Variants in TMEM132B observed in about 807,000 individuals in gnomAD.
The protein encoded by TMEM132B is transmembrane protein 132B.
TMEM132B carries 18 observed loss-of-function variants against 90.8 expected under a neutral mutation model. That is an observed-to-expected ratio of 0.20 (90% confidence interval 0.14 to 0.29). TMEM132B has a LOEUF of 0.29. Among genes scored for constraint, TMEM132B ranks in the 10% least tolerant of loss-of-function variants. The pLI, the probability that TMEM132B is intolerant of heterozygous loss-of-function variation, is 1.00. For missense variants in TMEM132B, 1,096 were observed against 1,326.8 expected (o/e 0.83, Z 2.70); for synonymous variants, 504 against 523.3 (o/e 0.96, Z 0.50).
At chr12:125,367,375 A>T (rs1226693219) in intron 2 of TMEM132B, among the ~76,000 whole-genome samples, 1 of 152,184 alleles carries the variant, frequency 6.6e-6, no homozygotes, top group Non-Finnish European at 1.5e-5. Flanking sequence ...TCTTTCTTGG[A>T]TCATAAGTAC....
chr12:125,370,961 G>C (rs144838350), intron 2 of TMEM132B, among the ~76,000 whole-genome samples: 1,713 of 152,316 alleles, frequency 0.011, 19 homozygotes, highest in Non-Finnish European at 0.014. Flanking sequence ...AAGGAAGCCA[G>C]TAGTGGCTTA....
At chr12:125,483,158 T>C (rs1483104313) in intron 3 of TMEM132B, among the ~76,000 whole-genome samples, 1 of 151,976 alleles carries the variant, frequency 6.6e-6, no homozygotes, top group Non-Finnish European at 1.5e-5. Flanking sequence ...GACGAGTTAA[T>C]GGGTGCAGCA....
chr12:125,259,421 A>G (rs988472789), intron 1 of TMEM132B, among the ~76,000 whole-genome samples: 1 of 152,220 alleles, frequency 6.6e-6, no homozygotes, highest in African/African-American at 2.4e-5. Context: ...CTGTCACTTC[A>G]GTAATTGTCA....
intron 1 of TMEM132B, among the ~76,000 whole-genome samples, chr12:125,313,516 T>G (rs1876170016): frequency 7.4e-6 from 1 of 134,984 alleles, no homozygotes; most frequent in South Asian, 2.9e-4. Flanking sequence ...TCTCCCTTCC[T>G]TCATTTCCCA....
chr12:125,548,134 T>A (rs1189289261), intron 4 of TMEM132B, among the ~76,000 whole-genome samples: 1 of 152,110 alleles, frequency 6.6e-6, no homozygotes, highest in Non-Finnish European at 1.5e-5. Flanking sequence ...CAATCCCAAC[T>A]GTCTATGTGG....
chr12:125,436,411 C>T (rs1254347109), intron 3 of TMEM132B, among the ~76,000 whole-genome samples: 1 of 152,138 alleles, frequency 6.6e-6, no homozygotes, highest in Non-Finnish European at 1.5e-5. Context: ...GAAACAGGCT[C>T]ATGGGAGTTG....
At chr12:125,527,044 A>G (rs1260398343) in intron 4 of TMEM132B, among the ~76,000 whole-genome samples, 2 of 138,616 alleles carry the variant, frequency 1.4e-5, no homozygotes, top group Non-Finnish European at 3.1e-5. Context: ...CCATCCACCC[A>G]TCCACCCTTC....
At chr12:125,312,523 C>G (rs73233365) in intron 1 of TMEM132B, among the ~76,000 whole-genome samples, 13,964 of 152,240 alleles carry the variant, frequency 0.092, 716 homozygotes, top group Non-Finnish European at 0.12. Context: ...CCTCTGAGGA[C>G]CCTTGGGTAG....
chr12:125,365,279 G>C (rs1444568959), intron 2 of TMEM132B, among the ~76,000 whole-genome samples: 1 of 151,860 alleles, frequency 6.6e-6, no homozygotes, highest in African/African-American at 2.4e-5. Flanking sequence ...AGTCTATTTT[G>C]AGATAGACTT....
chr12:125,236,620 G>T (rs560269315), intron 1 of TMEM132B, among the ~76,000 whole-genome samples: 2 of 152,166 alleles, frequency 1.3e-5, no homozygotes, highest in South Asian at 4.1e-4. Flanking sequence ...TGCTACCTTA[G>T]AGCCTCCCCA....
At chr12:125,281,711 A>G (rs4765239) in intron 1 of TMEM132B, among the ~76,000 whole-genome samples, 19,326 of 152,070 alleles carry the variant, frequency 0.13, 1,345 homozygotes, top group African/African-American at 0.17. Flanking sequence ...AGCTTCAGCA[A>G]TGGCTCCCTG....
In TMEM132B at chr12:125,473,223, C is replaced by T. The variant is rs1881768549; in HGVS notation, c.1107-46216C>T. Among the ~76,000 whole-genome samples the T allele has an allele frequency of 2.0e-5, 3 of 152,292 alleles. No homozygotes were observed. In the South Asian group the frequency reaches 6.2e-4, roughly 32 times the overall value. On this transcript the variant is annotated intron_variant, in intron 3 of 8. Coordinates refer to ENST00000682704, the MANE Select transcript of TMEM132B (RefSeq NM_001366854.1). ...TGTTCCCCCTTCCAAGGATGCATTC[C>T]CTGCCCTCTTCACCTGGTGGGTCCC...
chr12:125,630,316 C>T (rs532522585), intron 5 of TMEM132B, among the ~76,000 whole-genome samples: 117 of 151,892 alleles, frequency 7.7e-4, no homozygotes, highest in Non-Finnish European at 1.5e-3. Context: ...GATCTCATTA[C>T]TTGTTATTGG....
At chr12:125,609,463 A>C (rs918175031) in intron 5 of TMEM132B, among the ~76,000 whole-genome samples, 1 of 152,094 alleles carries the variant, frequency 6.6e-6, no homozygotes, top group Non-Finnish European at 1.5e-5. Context: ...ATTTTGATAG[A>C]AATTGCATTG....
chr12:125,445,006 T>C lies in TMEM132B; in HGVS notation c.1106+29329T>C, dbSNP rs1880967030. On this transcript the variant is annotated intron_variant, in intron 3 of 8. Coordinates refer to ENST00000682704, the MANE Select transcript of TMEM132B (RefSeq NM_001366854.1). This position sits in a 1 kb window ranked among gnomAD's most constrained non-coding sequence, Gnocchi z 4.3. ...TCCCCTACTAGTTCTACATCTCCAG[T>C]TGAACCCTTACTGAAACACTGCTCC... is the stretch of plus-strand genomic sequence containing the variant. Among the ~76,000 whole-genome samples the C allele has an allele frequency of 6.6e-6, 1 of 152,150 alleles. No individual in the cohort carries two copies. The highest frequency in any genetic ancestry group is 1.5e-5 in the Non-Finnish European group (1 of 68,036).
intron 5 of TMEM132B, chr12:125,586,355 A>C (rs1198422691): frequency 6.6e-6 from 1 of 152,212 alleles, no homozygotes; most frequent in Non-Finnish European, 1.5e-5. Flanking sequence ...GAGGACATAC[A>C]TGATTTTGAA....
chr12:125,230,481 C>A lies in TMEM132B; in HGVS notation c.67+43615C>A, dbSNP rs144044563. On this transcript the variant is annotated intron_variant, in intron 1 of 8. Transcript: ENST00000682704. ...CAGGCATCTGTGGTTTTTTTTTTCT[C>A]ATTTTTTTATTTTTTCTGAGACGGA... 3.4e-3 allele frequency among the ~76,000 whole-genome samples: 511 copies of A among 151,406 alleles called. 4 individuals are homozygous for A. The highest frequency in any genetic ancestry group is 0.012 in the African/African-American group (478 of 41,304).
chr12:125,504,053 G>T (rs796759910), intron 3 of TMEM132B, among the ~76,000 whole-genome samples: 1 of 152,234 alleles, frequency 6.6e-6, no homozygotes, highest in South Asian at 2.1e-4. Flanking sequence ...CAATCATTGG[G>T]TATTAATTAA....
In TMEM132B at chr12:125,612,276, C is replaced by T. The variant is rs147352276; in HGVS notation, c.1437+28282C>T. Among the ~76,000 whole-genome samples the T allele has an allele frequency of 8.3e-3, 1,259 of 151,966 alleles. 5 individuals carry two copies. The highest frequency in any genetic ancestry group is 0.014 in the Non-Finnish European group (947 of 67,968). On this transcript the variant is annotated intron_variant, in intron 5 of 8. Coordinates refer to ENST00000682704, the MANE Select transcript of TMEM132B (RefSeq NM_001366854.1). ...GGATTGCAAGGTCAGGAGTTTGAGA[C>T]GAGCCTGACCAACTTGGTGAAACCC...
Sources: allele counts gnomAD v4.1 joint callset (sites outside exome capture counted in the v4.1 genomes callset), GRCh38; gene constraint gnomAD v4.1.1; non-coding constraint Gnocchi (gnomAD v3.1); transcripts MANE v1.5; gene names NCBI Gene and HGNC (gene_info 2026-07-23, HGNC 2026-07-21).